Variants in ARHGAP32 observed in about 807,000 individuals in gnomAD.
ARHGAP32 encodes rho GTPase-activating protein 32.
A neutral mutation model predicts 186.5 loss-of-function variants in ARHGAP32; 51 were observed. That is an observed-to-expected ratio of 0.27 (90% confidence interval 0.22 to 0.35). The LOEUF (loss-of-function observed/expected upper bound fraction) is 0.35, where lower values mean the gene tolerates loss of function less well. Ranked by LOEUF, ARHGAP32 falls within the 10% of genes least tolerant of loss-of-function variation. ARHGAP32 has a pLI of 1.00. For missense variants in ARHGAP32, 2,186 were observed against 2,623.5 expected, an observed-to-expected ratio of 0.83 and a Z score of 3.64; for synonymous variants, 950 against 964.3, an observed-to-expected ratio of 0.99 and a Z score of 0.27.
chr11:129,136,862 G>C (rs964764458), intron 2 of ARHGAP32, among the ~76,000 whole-genome samples: 10 of 152,076 alleles, frequency 6.6e-5, no homozygotes, highest in African/African-American at 2.4e-4. Context: ...ATTTACCTCT[G>C]CTCTTTCTTG....
Position 129,272,737 on chromosome 11 carries a change from T to G in ARHGAP32, c.-5+6409A>C, listed in dbSNP as rs564461891. 2.6e-5 allele frequency among the ~76,000 whole-genome samples: 4 copies of G among 152,294 alleles called. No homozygotes were observed. The South Asian group carries it at 8.3e-4, about 32-fold the overall frequency. Reference sequence around the variant, plus strand: ...AGAATGATATCTTAGGAAAGAAAACTGCTAGAATAGAAGACCTGTAGGCAA... The same window carrying G: ...AGAATGATATCTTAGGAAAGAAAACGGCTAGAATAGAAGACCTGTAGGCAA... On this transcript the variant is annotated intron_variant, in intron 1 of 6. Transcript: ENST00000525234.
At chr11:129,119,988 A>G (rs1341966126) in intron 5 of ARHGAP32, among the ~76,000 whole-genome samples, 2 of 152,118 alleles carry the variant, frequency 1.3e-5, no homozygotes, top group African/African-American at 2.4e-5. Flanking sequence ...TTTACTCTGA[A>G]TAAGATGAAA....
intron 11 of ARHGAP32, among the ~76,000 whole-genome samples, chr11:129,014,424 T>C (rs536298922): frequency 1.3e-5 from 2 of 152,348 alleles, no homozygotes; most frequent in South Asian, 4.1e-4. Flanking sequence ...TGCTTGCTCA[T>C]AATACTTTCT....
At chr11:129,157,747 T>C (rs561281365) in intron 2 of ARHGAP32, among the ~76,000 whole-genome samples, 1 of 152,040 alleles carries the variant, frequency 6.6e-6, no homozygotes. Flanking sequence ...AAGATACTCC[T>C]CGAGAAAAAC....
chr11:129,215,885 A>C (rs1364577625), intron 1 of ARHGAP32, among the ~76,000 whole-genome samples: 1 of 152,210 alleles, frequency 6.6e-6, no homozygotes, highest in Admixed American at 6.5e-5. Context: ...GACTTGAATA[A>C]ATGAAGAATT....
intron 10 of ARHGAP32, among the ~76,000 whole-genome samples, chr11:129,044,243 C>T (rs1939717609): frequency 2.0e-5 from 3 of 152,050 alleles, no homozygotes. Flanking sequence ...ATTAAATGGG[C>T]TAGTATAAAT....
intron 5 of ARHGAP32, among the ~76,000 whole-genome samples, chr11:129,105,229 C>T (rs1356420749): frequency 1.3e-5 from 2 of 152,120 alleles, no homozygotes; most frequent in African/African-American, 4.8e-5. Context: ...AGAGAGGTCT[C>T]TGGGAAATGA....
At chr11:129,157,418 A>G (rs900033415) in intron 2 of ARHGAP32, among the ~76,000 whole-genome samples, 2 of 152,050 alleles carry the variant, frequency 1.3e-5, no homozygotes, top group African/African-American at 4.8e-5. Context: ...ACAGCACAAG[A>G]ACATCGTGAA....
chr11:129,034,103 T>C (rs937065976), intron 11 of ARHGAP32, among the ~76,000 whole-genome samples: 2 of 152,204 alleles, frequency 1.3e-5, no homozygotes, highest in Admixed American at 1.3e-4. Flanking sequence ...AATTTCTACA[T>C]AGATTCCAAC....
chr11:129,146,778 GA>G (rs1943174955), intron 2 of ARHGAP32, among the ~76,000 whole-genome samples: 1 of 151,706 alleles, frequency 6.6e-6, no homozygotes, highest in Non-Finnish European at 1.5e-5. Flanking sequence ...CTCCTTTTTA[GA>G]TATGTTTATT....
At chr11:129,231,508 T>C (rs1183519058) in intron 1 of ARHGAP32, among the ~76,000 whole-genome samples, 2 of 152,048 alleles carry the variant, frequency 1.3e-5, no homozygotes, top group East Asian at 3.8e-4. Flanking sequence ...AACAGTGGAG[T>C]AGCTTGTATT....
chr11:129,245,381 T>C (rs1411746188), intron 1 of ARHGAP32, among the ~76,000 whole-genome samples: 1 of 147,582 alleles, frequency 6.8e-6, no homozygotes, highest in Non-Finnish European at 1.5e-5. Flanking sequence ...TTCTCACTCA[T>C]AGGTGGGAAT....
intron 10 of ARHGAP32, among the ~76,000 whole-genome samples, chr11:129,060,139 TCAA>T (rs1214802443): frequency 2.6e-5 from 4 of 152,156 alleles, no homozygotes; most frequent in Non-Finnish European, 4.4e-5. Flanking sequence ...TGTGTGCGTC[TCAA>T]CAAAACTTTG....
intron 11 of ARHGAP32, among the ~76,000 whole-genome samples, chr11:129,031,247 T>C (rs1387945935): frequency 2.6e-5 from 4 of 152,174 alleles, no homozygotes; most frequent in African/African-American, 9.7e-5. Flanking sequence ...AATAACATAG[T>C]AAATAAACAC....
intron 11 of ARHGAP32, among the ~76,000 whole-genome samples, chr11:129,036,709 A>G (rs181773744): frequency 1.2e-4 from 19 of 152,338 alleles, no homozygotes; most frequent in Admixed American, 1.1e-3. Context: ...CACACAAGAA[A>G]CAGAAGGGAA....
chr11:129,197,847 A>C (rs1324095296), intron 1 of ARHGAP32, among the ~76,000 whole-genome samples: 1 of 152,162 alleles, frequency 6.6e-6, no homozygotes, highest in Non-Finnish European at 1.5e-5. Flanking sequence ...TTGAAAAAAC[A>C]ACTCTTTCCT....
At chr11:129,063,813 A>T (rs1940594767) in intron 9 of ARHGAP32, 89 bp downstream of exon 9, 11 of 1,368,806 alleles carry the variant, frequency 8.0e-6, no homozygotes, top group African/African-American at 2.9e-5. Flanking sequence ...TCATTTTTTT[A>T]AAAATTAAGG....
chr11:129,017,686 A>G (rs1223685312), intron 11 of ARHGAP32, among the ~76,000 whole-genome samples: 2 of 152,150 alleles, frequency 1.3e-5, no homozygotes, highest in African/African-American at 4.8e-5. Flanking sequence ...TCTGCAAATA[A>G]TACACATTTG....
At chr11:129,275,351 A>C (rs1047167097) in intron 1 of ARHGAP32, among the ~76,000 whole-genome samples, 36 of 152,180 alleles carry the variant, frequency 2.4e-4, no homozygotes, top group Admixed American at 1.4e-3. Context: ...ACAACCTTCC[A>C]AGGTAGATAC....
Sources: gnomAD v4.1 joint callset for allele counts (sites outside exome capture counted in the v4.1 genomes callset) on GRCh38, gnomAD v4.1.1 for gene constraint, MANE v1.5 for transcripts, NCBI Gene and HGNC (gene_info 2026-07-23, HGNC 2026-07-21) for gene names.